The following ITSN2 variants were observed in gnomAD, a reference collection of about 807,000 sequenced individuals.
The protein encoded by ITSN2 is intersectin 2, also known as intersectin-2.
Under a neutral mutation model 243.7 loss-of-function variants are expected in ITSN2, and 156 were observed. The observed-to-expected ratio is 0.64, with a 90% CI of 0.56 to 0.73. ITSN2 has a LOEUF of 0.73. Ranked by LOEUF, ITSN2 falls within the 30% of genes least tolerant of loss-of-function variation. The pLI, the probability that ITSN2 is intolerant of heterozygous loss-of-function variation, is 0.00. For synonymous variants in ITSN2, 703 were observed against 699.9 expected (o/e 1.00, Z -0.07); for missense variants, 1,801 against 1,996.1 (o/e 0.90, Z 1.86).
Position 24,298,807 on chromosome 2 carries a change from T to C in ITSN2, c.1352A>G (p.Lys451Arg). 1.3e-6 allele frequency: 2 copies of C among 1,580,898 alleles called. No homozygotes were observed. The highest frequency in any genetic ancestry group is 1.7e-6 in the Non-Finnish European group (2 of 1,171,630). The part of the protein sequence containing the change: ...RKDIERREAA[K>R]QELERQRRLE... ...GCGACGTTGTCGTTCAAGTTCCTGTTTTGCTGCCTGAAAAAAAAAAGGAAT... is the reference window on the plus strand; with the variant it reads ...GCGACGTTGTCGTTCAAGTTCCTGTCTTGCTGCCTGAAAAAAAAAAGGAAT... Residue 451 changes from lysine (K) to arginine (R), a missense_variant, in exon 13 of 40, where the codon AAA becomes AGA. Physicochemically the swap from Lys to Arg is conservative, Grantham distance 26 (BLOSUM62 2). Coordinates refer to ENST00000355123, the MANE Select transcript of ITSN2 (RefSeq NM_006277.3).
intron 22 of ITSN2, 41 bp from the exon 23 acceptor site, chr2:24,258,134 G>T: frequency 1.4e-6 from 2 of 1,404,712 alleles, no homozygotes; most frequent in Non-Finnish European, 2.0e-6. Flanking sequence ...AAAGGCAATG[G>T]TAACTATGAT....
chr2:24,295,800 C>T lies in ITSN2; in HGVS notation c.1499G>A (p.Gly500Asp). 2 of 1,533,014 alleles carry T rather than the reference C, an allele frequency of 1.3e-6. No individual in the cohort carries two copies. Among genetic ancestry groups the T allele is most frequent in the Non-Finnish European group, 1.7e-6 (2 of 1,148,390 alleles). The allele number at this position is 1,533,014 out of a possible 1,614,324, so 95.0% of individuals were successfully genotyped here. A position where few individuals can be genotyped will look rare whatever the true frequency, so the allele number is the denominator to read the frequency against. Residue 500 changes from glycine (G) to aspartate (D), a missense_variant, in exon 14 of 40, where the codon GGC (glycine) becomes GAC (aspartate). Gly to Asp is a moderately conservative substitution (Grantham distance 94, BLOSUM62 -1). Transcript: ENST00000355123. The stretch of plus-strand genomic sequence containing the variant: ...TCTGCCTGAGATCTGCTGATGTTTG[C>T]CATTCTATAGGAAGATCATATAAAT... ...NLHLELEALN[G>D]KHQQISGRLQ...
chr2:24,277,400 G>C (rs970101269), intron 17 of ITSN2, among the ~76,000 whole-genome samples: 2 of 152,182 alleles, frequency 1.3e-5, no homozygotes, highest in Non-Finnish European at 2.9e-5. Flanking sequence ...TTTGATCTAA[G>C]TACAGCATGC....
At chr2:24,214,885 A>G (rs541551978) in intron 32 of ITSN2, among the ~76,000 whole-genome samples, 17 of 152,194 alleles carry the variant, frequency 1.1e-4, no homozygotes, top group Non-Finnish European at 2.4e-4. Flanking sequence ...ATATATCCCA[A>G]TATGCAGTAT....
rs755062486 is a variant in ITSN2, at chr2:24,210,030, G to A, written c.4261C>T (p.Leu1421Phe). ...CAGTTGGTGAGAGAGTTGAAAATAA[G>A]TTGCTTAAAGAGAAAGAAAATTTCA... ...HVQCEGLAEQLIFNSLTNCLG... is the reference protein window; with the variant it reads ...HVQCEGLAEQFIFNSLTNCLG... The change falls in exon 35 of 40, where the codon CTT becomes TTT. Residue 1421 changes from leucine (L) to phenylalanine (F), a missense_variant. Coordinates refer to ENST00000355123, the MANE Select transcript of ITSN2 (RefSeq NM_006277.3). The A allele has an allele frequency of 5.0e-6, 8 of 1,611,538 alleles. No homozygotes were observed. The highest frequency in any genetic ancestry group is 6.8e-6 in the Non-Finnish European group (8 of 1,178,080).
intron 32 of ITSN2, among the ~76,000 whole-genome samples, chr2:24,213,732 C>T (rs771315688): frequency 6.6e-6 from 1 of 152,174 alleles, no homozygotes; most frequent in Non-Finnish European, 1.5e-5. Context: ...TTAAAACATG[C>T]ACATATACTA....
At position 24,204,683 on chromosome 2, in the gene ITSN2, C is replaced by T. The variant is rs762552743; in HGVS notation, c.4763-265G>A. On this transcript the variant is annotated intron_variant, in intron 38 of 39. Coordinates refer to ENST00000355123, the MANE Select transcript of ITSN2 (RefSeq NM_006277.3). This position sits in a 1 kb window ranked among gnomAD's most constrained non-coding sequence, Gnocchi z 5.1. ...ACGGAACAATCCTGGGTGAGTGTCA[C>T]TGCAACCTGCTGCATGCTTCCTCGG... The T allele has an allele frequency of 1.7e-6, 1 of 594,068 alleles. No homozygotes were observed. Among genetic ancestry groups the T allele is most frequent in the South Asian group, 1.5e-5 (1 of 65,796 alleles). The allele number at this position is 594,068 out of a possible 1,614,324, so 36.8% of individuals were successfully genotyped here.
At chr2:24,253,011 T>A (rs1574022810) in intron 24 of ITSN2, among the ~76,000 whole-genome samples, 1 of 152,178 alleles carries the variant, frequency 6.6e-6, no homozygotes, top group African/African-American at 2.4e-5. Context: ...CCAAGCTCCA[T>A]CCTGATGACC....
At chr2:24,236,673 CT>C (rs35381391) in intron 29 of ITSN2, among the ~76,000 whole-genome samples, 17 of 137,786 alleles carry the variant, frequency 1.2e-4, no homozygotes, top group Admixed American at 2.2e-4. Context: ...GTTTTTTTTT[CT>C]TTTTTTTTTT....
intron 17 of ITSN2, among the ~76,000 whole-genome samples, chr2:24,279,946 C>T (rs1439730567): frequency 6.6e-6 from 1 of 151,650 alleles, no homozygotes; most frequent in Non-Finnish European, 1.5e-5. Flanking sequence ...GTTGGCCAGG[C>T]TGGTCTCGAA....
intron 1 of ITSN2, among the ~76,000 whole-genome samples, chr2:24,355,327 T>C (rs1481434579): frequency 1.3e-5 from 2 of 152,250 alleles, no homozygotes; most frequent in Non-Finnish European, 1.5e-5. Flanking sequence ...CTTGGAATCC[T>C]GTCTTTAAAA....
At chr2:24,265,610 G>C (rs1468871737) in intron 20 of ITSN2, among the ~76,000 whole-genome samples, 1 of 152,066 alleles carries the variant, frequency 6.6e-6, no homozygotes, top group East Asian at 1.9e-4. Context: ...AGACCCATTA[G>C]GATTTTTCTC....
chr2:24,231,280 T>C (rs1422600513), intron 29 of ITSN2, among the ~76,000 whole-genome samples: 1 of 152,212 alleles, frequency 6.6e-6, no homozygotes, highest in Non-Finnish European at 1.5e-5. Flanking sequence ...GCAGAAATTT[T>C]TGTCTTATAA....
intron 15 of ITSN2, among the ~76,000 whole-genome samples, chr2:24,291,138 ATTTTG>A (rs1401790614): frequency 6.6e-6 from 1 of 150,548 alleles, no homozygotes; most frequent in Admixed American, 6.6e-5. Context: ...TTTTTTTTTT[ATTTTG>A]TTTTGAGACA....
At chr2:24,321,033 C>T (rs6754234) in intron 2 of ITSN2, among the ~76,000 whole-genome samples, 126,507 of 152,210 alleles carry the variant, frequency 0.83, 53,515 homozygotes, top group East Asian at 0.92. Context: ...AATGGAGAAA[C>T]AAGGGAGAGG....
intron 1 of ITSN2, among the ~76,000 whole-genome samples, chr2:24,339,380 A>G (rs909218230): frequency 6.6e-5 from 10 of 150,612 alleles, no homozygotes; most frequent in Non-Finnish European, 1.5e-5. Context: ...CTGAGGTGGG[A>G]GGGTCACTTG....
chr2:24,306,307 C>T (rs1400560339), intron 8 of ITSN2, among the ~76,000 whole-genome samples: 1 of 152,138 alleles, frequency 6.6e-6, no homozygotes, highest in Non-Finnish European at 1.5e-5. Context: ...CACAGGTATG[C>T]ACATACACAC....
intron 1 of ITSN2, among the ~76,000 whole-genome samples, chr2:24,331,159 C>T (rs1287525969): frequency 6.6e-6 from 1 of 151,528 alleles, no homozygotes; most frequent in Non-Finnish European, 1.5e-5. Context: ...GCAACCTCCG[C>T]CTCCCAGGTT....
chr2:24,289,616 C>T (rs1179824773), intron 15 of ITSN2, among the ~76,000 whole-genome samples: 7 of 152,158 alleles, frequency 4.6e-5, no homozygotes, highest in Non-Finnish European at 1.0e-4. Flanking sequence ...AGTAGTCCTG[C>T]TAGTACTTCC....
Sources: gnomAD v4.1 joint callset for allele counts (sites outside exome capture counted in the v4.1 genomes callset) on GRCh38, gnomAD v4.1.1 for gene constraint, Gnocchi (gnomAD v3.1) non-coding constraint, MANE v1.5 for transcripts, NCBI Gene and HGNC (gene_info 2026-07-23, HGNC 2026-07-21) for gene names.